Variants in PDE1C observed in about 807,000 individuals in gnomAD.
The protein encoded by PDE1C is phosphodiesterase 1C.
In PDE1C, 62 loss-of-function variants were observed where a neutral mutation model predicts 93.1. That is an observed-to-expected ratio of 0.67 (90% CI 0.54 to 0.82). The LOEUF is 0.82. Among genes scored for constraint, PDE1C ranks in the 40% least tolerant of loss-of-function variants. The pLI, the probability that PDE1C is intolerant of heterozygous loss-of-function variation, is 0.00. For missense variants in PDE1C, 742 were observed against 884.6 expected, an observed-to-expected ratio of 0.84 and a Z score of 2.04; for synonymous variants, 325 against 310.1, an observed-to-expected ratio of 1.05 and a Z score of -0.50.
chr7:31,675,466 C>T, the PDE1C span, among the ~76,000 whole-genome samples: 1 of 152,030 alleles, frequency 6.6e-6, no homozygotes, highest in South Asian at 2.1e-4. Flanking sequence ...AGCTGGCTTG[C>T]CCCAACATCC....
At chr7:32,109,087 T>G (rs1012617970) in intron 3 of PDE1C, among the ~76,000 whole-genome samples, 2 of 152,154 alleles carry the variant, frequency 1.3e-5, no homozygotes, top group Admixed American at 1.3e-4. Context: ...TTCAGGTACA[T>G]TTACTGAGGG....
the PDE1C span, chr7:31,692,343 C>T: frequency 4.1e-6 from 4 of 974,060 alleles, no homozygotes; most frequent in Admixed American, 6.4e-5. Flanking sequence ...ATTTACTTAG[C>T]AAATGATTGA....
the PDE1C span, among the ~76,000 whole-genome samples, chr7:31,714,505 C>T: frequency 1.3e-5 from 2 of 152,178 alleles, no homozygotes; most frequent in African/African-American, 2.4e-5. Flanking sequence ...TCCACACTTT[C>T]GGGTGTCTTT....
intron 1 of PDE1C, among the ~76,000 whole-genome samples, chr7:32,335,029 C>T (rs1158227158): frequency 2.6e-5 from 4 of 152,162 alleles, no homozygotes; most frequent in African/African-American, 7.2e-5. Context: ...ACTGTTCTCT[C>T]CCGGCCACTT....
intron 1 of PDE1C, among the ~76,000 whole-genome samples, chr7:32,068,457 T>C (rs1007113147): frequency 2.0e-5 from 3 of 152,138 alleles, no homozygotes; most frequent in East Asian, 1.9e-4. Flanking sequence ...TGTATAATAA[T>C]AACAAATAAT....
Position 32,362,338 on chromosome 7 carries a change from C to T in PDE1C, c.310+65484G>A, listed in dbSNP as rs77536028. On this transcript the variant is annotated intron_variant, in intron 1 of 1. Coordinates refer to the PDE1C transcript ENST00000672256. Reference sequence around the variant, plus strand: ...GGGGTGTCCTAGGGACAGTGTTCTGCATCCAACTCTGTTCAAAATGTTGCT... The same window carrying T: ...GGGGTGTCCTAGGGACAGTGTTCTGTATCCAACTCTGTTCAAAATGTTGCT... Among the ~76,000 whole-genome samples the T allele has an allele frequency of 1.9e-4, 29 of 152,202 alleles. No individual in the cohort carries two copies. In the East Asian group the frequency reaches 5.4e-3, roughly 28 times the overall value.
intron 1 of PDE1C, among the ~76,000 whole-genome samples, chr7:32,288,811 T>G (rs534799837): frequency 6.6e-6 from 1 of 152,344 alleles, no homozygotes; most frequent in East Asian, 1.9e-4. Flanking sequence ...GGGCCCAAAG[T>G]CAGAGAAAAA....
chr7:32,244,199 G>A (rs190790719), intron 1 of PDE1C, among the ~76,000 whole-genome samples: 4 of 152,288 alleles, frequency 2.6e-5, no homozygotes, highest in East Asian at 1.9e-4. Context: ...AGAAGAGGGC[G>A]GGACATGTAA....
At chr7:31,823,269 A>G in intron 13 of PDE1C, 21 bp from the exon 14 acceptor site, 2 of 1,595,960 alleles carry the variant, frequency 1.3e-6, no homozygotes, top group South Asian at 2.3e-5. Flanking sequence ...AAAAAATCAT[A>G]CCAAAGAAGA....
the PDE1C span, among the ~76,000 whole-genome samples, chr7:31,688,709 G>T: frequency 2.6e-5 from 4 of 152,196 alleles, no homozygotes; most frequent in African/African-American, 9.7e-5. Flanking sequence ...CTTGTGAAAA[G>T]GAAGGTAAGG....
rs190771725 is a variant in PDE1C, at chr7:31,808,911, G to T, written c.1891+120C>A. 2.3e-3 allele frequency: 1,382 copies of T among 593,196 alleles called. 22 individuals carry two copies. The East Asian group carries it at 0.034, about 15-fold the overall frequency. The allele number at this position is 593,196 out of a possible 1,614,324, so 36.7% of individuals were successfully genotyped here. On this transcript the variant is annotated intron_variant, in intron 16 of 17. Coordinates refer to ENST00000396191, the MANE Select transcript of PDE1C (RefSeq NM_001191057.4). The stretch of plus-strand genomic sequence containing the variant: ...TAGTACCCTTTAAATATAGTGAAGG[G>T]TTTTTTTCAGGATATAAGAATATAT...
chr7:32,400,061 T>A (rs558518240), intron 1 of PDE1C, among the ~76,000 whole-genome samples: 1 of 152,260 alleles, frequency 6.6e-6, no homozygotes, highest in Admixed American at 6.5e-5. Context: ...GATAGTCCCA[T>A]AAAGTAGGTA....
intron 1 of PDE1C, among the ~76,000 whole-genome samples, chr7:32,427,240 G>A (rs1785550828): frequency 6.6e-6 from 1 of 152,190 alleles, no homozygotes; most frequent in African/African-American, 2.4e-5. Context: ...CAGCTCCCTA[G>A]TGAGACGGAA....
At chr7:32,089,802 C>A (rs1379466489) in intron 3 of PDE1C, among the ~76,000 whole-genome samples, 2 of 152,154 alleles carry the variant, frequency 1.3e-5, no homozygotes, top group Admixed American at 1.3e-4. Flanking sequence ...GAGTCAGGGA[C>A]CCCAGATAAG....
intron 1 of PDE1C, among the ~76,000 whole-genome samples, chr7:32,322,067 T>A (rs1783302449): frequency 6.6e-6 from 1 of 152,196 alleles, no homozygotes; most frequent in Non-Finnish European, 1.5e-5. Flanking sequence ...GTCTAGGAAC[T>A]TTTATGTATA....
At position 32,350,575 on chromosome 7, in the gene PDE1C, TA is replaced by T. The variant is rs1783947407; in HGVS notation, c.310+77246del. Among the ~76,000 whole-genome samples the T allele has an allele frequency of 7.5e-3, 12 of 1,592 alleles. 1 individual carries two copies. Among genetic ancestry groups the T allele is most frequent in the African/African-American group, 7.8e-3 (11 of 1,404 alleles). 1.0% of individuals were successfully genotyped at this position (1,592 alleles called of 152,430 possible). ...ATATATATATATATATATATATATATATATATATATATATATTTTTTTTTTT... is the reference window on the plus strand; with the variant it reads ...ATATATATATATATATATATATATATTATATATATATATATTTTTTTTTTT... On this transcript the variant is annotated intron_variant, in intron 1 of 1. Transcript: ENST00000672256.
At chr7:31,669,967 T>A in the PDE1C span, among the ~76,000 whole-genome samples, 2 of 152,214 alleles carry the variant, frequency 1.3e-5, no homozygotes, top group Admixed American at 1.3e-4. Context: ...AACCTTGGAA[T>A]GTCTGACTCT....
intron 1 of PDE1C, among the ~76,000 whole-genome samples, chr7:32,251,709 A>T (rs1165994807): frequency 1.3e-5 from 2 of 152,156 alleles, no homozygotes; most frequent in East Asian, 1.9e-4. Flanking sequence ...AATAATAAAC[A>T]TCTCATTGAA....
At position 32,214,676 on chromosome 7, in the gene PDE1C, C is replaced by T. The variant is rs867187167; in HGVS notation, c.86-5137G>A. ...TGCTTTGTCAAAATCCTGAATCGAG[C>T]GAGGTATATCTCTGCTTTAAGAAAA... On this transcript the variant is annotated intron_variant, in intron 1 of 18. Coordinates refer to the PDE1C transcript ENST00000396193. Among the ~76,000 whole-genome samples, 17 of 152,248 alleles carry T rather than the reference C, an allele frequency of 1.1e-4. 1 individual carries two copies. In the Middle Eastern group the frequency reaches 0.017, roughly 152 times the overall value.
Sources: gnomAD v4.1 joint callset for allele counts (sites outside exome capture counted in the v4.1 genomes callset) on GRCh38, gnomAD v4.1.1 for gene constraint, MANE v1.5 for transcripts, NCBI Gene and HGNC (gene_info 2026-07-23, HGNC 2026-07-21) for gene names.